NCOA1: variants seen among roughly 807,000 people sequenced by gnomAD.
NCOA1 encodes Hin-2 protein.
A neutral mutation model predicts 150.9 loss-of-function variants in NCOA1; 35 were observed. The ratio of observed to expected loss-of-function variants is 0.23; its 90% confidence interval spans 0.18 to 0.31. NCOA1 has a LOEUF of 0.31. Ranked by LOEUF, NCOA1 falls within the 10% of genes least tolerant of loss-of-function variation. The pLI is 1.00. For synonymous variants in NCOA1, 590 were observed against 630.0 expected, an observed-to-expected ratio of 0.94 and a Z score of 0.95; for missense variants, 1,491 against 1,749.3, an observed-to-expected ratio of 0.85 and a Z score of 2.63.
chr2:24,626,735 A>G (rs543618483), intron 3 of NCOA1, among the ~76,000 whole-genome samples: 13 of 152,322 alleles, frequency 8.5e-5, no homozygotes, highest in Admixed American at 3.3e-4. Flanking sequence ...CATTGCATGC[A>G]TACTATGAAA....
rs1256124201 is a variant in NCOA1 at position 24,741,153 on chromosome 2, TG to T, written c.3304-630del. Among the ~76,000 whole-genome samples, 3 of 152,288 alleles carry T rather than the reference TG, an allele frequency of 2.0e-5. No homozygotes were observed. The East Asian group carries it at 5.8e-4, about 29-fold the overall frequency. Reference sequence around the variant, plus strand: ...AGAATCTTCCTTTTTTAATGGTATTTGTAGGTTTTTTCTAATTGTAAAGGTA... The same window carrying T: ...AGAATCTTCCTTTTTTAATGGTATTTTAGGTTTTTTCTAATTGTAAAGGTA... On this transcript the variant is annotated intron_variant, in intron 18 of 22. Transcript: ENST00000348332.
At chr2:24,639,516 A>AT (rs1481210722) in intron 3 of NCOA1, among the ~76,000 whole-genome samples, 8 of 152,044 alleles carry the variant, frequency 5.3e-5, no homozygotes, top group Admixed American at 2.0e-4. Context: ...TCAGTTGTCC[A>AT]TATTTATTCC....
intron 3 of NCOA1, among the ~76,000 whole-genome samples, chr2:24,627,507 C>T (rs1669484385): frequency 6.6e-6 from 1 of 152,144 alleles, no homozygotes. Flanking sequence ...AGAACCTGCA[C>T]ATAGAAAAAA....
At chr2:24,704,354 T>TAA (rs200217898) in intron 11 of NCOA1, among the ~76,000 whole-genome samples, 3 of 151,150 alleles carry the variant, frequency 2.0e-5, no homozygotes, top group African/African-American at 7.3e-5. Context: ...AGCTGTTATT[T>TAA]AAAAAAAAAC....
At chr2:24,730,779 A>G (rs545164810) in intron 17 of NCOA1, among the ~76,000 whole-genome samples, 13 of 149,938 alleles carry the variant, frequency 8.7e-5, no homozygotes, top group Non-Finnish European at 1.0e-4. Context: ...TAATCCCAGC[A>G]CTTTGGGAGA....
intron 2 of NCOA1, among the ~76,000 whole-genome samples, chr2:24,582,327 C>A (rs1306610046): frequency 6.6e-6 from 1 of 151,854 alleles, no homozygotes; most frequent in Non-Finnish European, 1.5e-5. Flanking sequence ...AATGAACTAG[C>A]CTGGAAAAGA....
intron 3 of NCOA1, among the ~76,000 whole-genome samples, chr2:24,642,318 AATATATAT>A (rs138241448): frequency 1.4e-5 from 2 of 146,780 alleles, no homozygotes; most frequent in African/African-American, 2.5e-5. Context: ...TATGTATATA[AATATATAT>A]ATATATATAT....
At chr2:24,525,837 C>T (rs1212759602) in intron 1 of NCOA1, among the ~76,000 whole-genome samples, 8 of 152,142 alleles carry the variant, frequency 5.3e-5, no homozygotes, top group African/African-American at 1.2e-4. Context: ...CATGAGCCCC[C>T]GAGCCCGACC....
intron 3 of NCOA1, among the ~76,000 whole-genome samples, chr2:24,586,482 G>A (rs762552870): frequency 7.9e-5 from 12 of 151,974 alleles, no homozygotes; most frequent in Non-Finnish European, 1.5e-4. Context: ...TACCCATCAG[G>A]CTCAAGGGAT....
chr2:24,632,402 T>G (rs1669746867), intron 3 of NCOA1, among the ~76,000 whole-genome samples: 1 of 152,244 alleles, frequency 6.6e-6, no homozygotes, highest in Non-Finnish European at 1.5e-5. Flanking sequence ...CTAGATGCAC[T>G]GATATCCTTC....
chr2:24,533,518 T>G (rs1029066213), intron 1 of NCOA1, among the ~76,000 whole-genome samples: 6 of 152,222 alleles, frequency 3.9e-5, no homozygotes, highest in Non-Finnish European at 8.8e-5. Context: ...CATCTCTGTC[T>G]TGTGCCGGTT....
At chr2:24,663,109 A>G (rs1285419354) in intron 5 of NCOA1, among the ~76,000 whole-genome samples, 1 of 151,942 alleles carries the variant, frequency 6.6e-6, no homozygotes, top group Non-Finnish European at 1.5e-5. Context: ...CTGTGCTTTT[A>G]AGCAGTATAC....
intron 7 of NCOA1, among the ~76,000 whole-genome samples, chr2:24,675,668 T>G (rs1349239260): frequency 6.6e-6 from 1 of 152,172 alleles, no homozygotes; most frequent in Non-Finnish European, 1.5e-5. Flanking sequence ...GTGGATCACT[T>G]GAGGTCAGGA....
chr2:24,533,174 T>C (rs1235376970), intron 1 of NCOA1, among the ~76,000 whole-genome samples: 2 of 152,174 alleles, frequency 1.3e-5, no homozygotes, highest in Admixed American at 6.5e-5. Context: ...TCACATCCCT[T>C]GTAAGTTGGA....
At chr2:24,677,708 G>A (rs1314231298) in intron 7 of NCOA1, among the ~76,000 whole-genome samples, 7 of 152,178 alleles carry the variant, frequency 4.6e-5, no homozygotes, top group Admixed American at 1.3e-4. Context: ...ACAGGCATAA[G>A]TTACCATGCC....
intron 1 of NCOA1, among the ~76,000 whole-genome samples, chr2:24,521,415 A>G (rs1228117370): frequency 6.6e-6 from 1 of 152,160 alleles, no homozygotes; most frequent in Non-Finnish European, 1.5e-5. Context: ...AGCCTCTGAT[A>G]ACCATCATTC....
At chr2:24,622,482 C>T (rs749513796) in intron 3 of NCOA1, among the ~76,000 whole-genome samples, 2 of 152,126 alleles carry the variant, frequency 1.3e-5, no homozygotes, top group African/African-American at 2.4e-5. Flanking sequence ...ATGATTATGT[C>T]TTTGTACTTT....
At chr2:24,596,652 A>C (rs1214013466) in intron 3 of NCOA1, among the ~76,000 whole-genome samples, 1 of 152,216 alleles carries the variant, frequency 6.6e-6, no homozygotes, top group East Asian at 1.9e-4. Context: ...TAGTAATATA[A>C]GATGGCATAC....
chr2:24,761,916 T>C lies in NCOA1; in HGVS notation c.4066-771T>C, dbSNP rs148927898. Among the ~76,000 whole-genome samples the C allele has an allele frequency of 2.6e-5, 4 of 152,362 alleles. No individual in the cohort carries two copies. In the East Asian group the frequency reaches 7.7e-4, roughly 29 times the overall value. ...TGAAATCAGGGCTTATTCCCAGCCC[T>C]GTGGGGACTTTGGGAATTGTTCCAT... On this transcript the variant is annotated intron_variant, in intron 21 of 22. Coordinates refer to ENST00000348332, the MANE Select transcript of NCOA1 (RefSeq NM_003743.5).
Sources: gnomAD v4.1 joint callset for allele counts (sites outside exome capture counted in the v4.1 genomes callset) on GRCh38, gnomAD v4.1.1 for gene constraint, MANE v1.5 for transcripts, NCBI Gene and HGNC (gene_info 2026-07-23, HGNC 2026-07-21) for gene names.